The following IAPP variants were observed in gnomAD, a reference collection of about 807,000 sequenced individuals.
IAPP encodes the protein Islet amyloid polypeptide (diabetes-associated peptide; amylin).
A neutral mutation model predicts 2.9 loss-of-function variants in IAPP; 4 were observed. The observed-to-expected ratio is 1.39, with a 90% CI of 0.69 to 3.19. The LOEUF is 3.19. IAPP is among the 30% of genes most tolerant of loss of function. The probability of loss-of-function intolerance (pLI) is 0.01; values close to 1 mark genes in which losing one functional copy is unlikely to be tolerated. For synonymous variants in IAPP, 40 were observed against 42.1 expected, an observed-to-expected ratio of 0.95 and a Z score of 0.19; for missense variants, 114 against 105.3, an observed-to-expected ratio of 1.08 and a Z score of -0.36.
intron 1 of IAPP, among the ~76,000 whole-genome samples, chr12:21,367,102 A>G (rs984282067): frequency 6.6e-6 from 1 of 152,174 alleles, no homozygotes; most frequent in African/African-American, 2.4e-5. Flanking sequence ...GGACTTCTAC[A>G]GAGAGGTTTT....
At chr12:21,371,703 T>C (rs907705775), upstream of IAPP, among the ~76,000 whole-genome samples, 2 of 152,096 alleles carry the variant, frequency 1.3e-5, no homozygotes, top group Non-Finnish European at 2.9e-5. Flanking sequence ...AAATATAATT[T>C]AGAAATACAA....
chr12:21,362,657 C>T (rs1297872858), intron 1 of IAPP, among the ~76,000 whole-genome samples: 2 of 152,122 alleles, frequency 1.3e-5, no homozygotes, highest in African/African-American at 2.4e-5. Flanking sequence ...GGAGACCCAT[C>T]TCACACGCAG....
upstream of IAPP, among the ~76,000 whole-genome samples, chr12:21,372,289 C>A (rs1939857737): frequency 6.6e-6 from 1 of 152,056 alleles, no homozygotes; most frequent in Admixed American, 6.6e-5. Context: ...TTTTTTTATT[C>A]ATTTGGTTAT....
intron 2 of IAPP, among the ~76,000 whole-genome samples, chr12:21,377,538 C>T (rs1353280106): frequency 6.6e-6 from 1 of 152,176 alleles, no homozygotes; most frequent in African/African-American, 2.4e-5. Flanking sequence ...TGAAGCTGTA[C>T]ACCCAATGGT....
chr12:21,369,118 A>C (rs1239364419), upstream of IAPP, among the ~76,000 whole-genome samples: 3 of 152,190 alleles, frequency 2.0e-5, no homozygotes, highest in Admixed American at 6.5e-5. Context: ...AATTTGATAA[A>C]ATGTAAAAAT....
At chr12:21,362,719 T>C (rs1401746015) in intron 1 of IAPP, among the ~76,000 whole-genome samples, 1 of 151,520 alleles carries the variant, frequency 6.6e-6, no homozygotes, top group African/African-American at 2.4e-5. Flanking sequence ...ACCAAGCAAA[T>C]GGAAAACAAA....
intron 1 of IAPP, among the ~76,000 whole-genome samples, chr12:21,365,521 G>A (rs1939305108): frequency 1.3e-5 from 2 of 152,038 alleles, no homozygotes; most frequent in African/African-American, 2.4e-5. Context: ...CAAAAGCAAT[G>A]GCAACAAAAG....
chr12:21,367,242 G>C (rs1418056249), intron 1 of IAPP, among the ~76,000 whole-genome samples: 1 of 152,108 alleles, frequency 6.6e-6, no homozygotes, highest in African/African-American at 2.4e-5. Flanking sequence ...AGAAACAAAA[G>C]GTCTCAGTCT....
intron 1 of IAPP, among the ~76,000 whole-genome samples, chr12:21,357,125 C>T (rs147712903): frequency 6.6e-6 from 1 of 152,230 alleles, no homozygotes; most frequent in East Asian, 1.9e-4. Flanking sequence ...TGAACTGTGT[C>T]CCTGCAAAAT....
chr12:21,365,542 C>A (rs1939306852), intron 1 of IAPP, among the ~76,000 whole-genome samples: 1 of 152,122 alleles, frequency 6.6e-6, no homozygotes, highest in South Asian at 2.1e-4. Flanking sequence ...CCAAAATTGA[C>A]AAATGGGAAC....
At chr12:21,371,863 A>G (rs373108166), upstream of IAPP, among the ~76,000 whole-genome samples, 5 of 152,108 alleles carry the variant, frequency 3.3e-5, no homozygotes, top group Non-Finnish European at 5.9e-5. Context: ...TTAGCCATAC[A>G]TGGTGATGCA....
At chr12:21,372,194 T>C (rs1340929320), upstream of IAPP, among the ~76,000 whole-genome samples, 1 of 152,210 alleles carries the variant, frequency 6.6e-6, no homozygotes, top group Non-Finnish European at 1.5e-5. Flanking sequence ...GTAAAATTTC[T>C]GTGTAAGAAT....
intron 1 of IAPP, among the ~76,000 whole-genome samples, chr12:21,357,078 A>G (rs1437098362): frequency 2.0e-5 from 3 of 152,228 alleles, no homozygotes; most frequent in Non-Finnish European, 4.4e-5. Context: ...ATAAAAACAA[A>G]CAAACACTAT....
chr12:21,366,420 A>G (rs1184134581), intron 1 of IAPP, among the ~76,000 whole-genome samples: 1 of 151,998 alleles, frequency 6.6e-6, no homozygotes, highest in African/African-American at 2.4e-5. Context: ...GGGGAGGGAT[A>G]GCATTAGGAG....
intron 1 of IAPP, among the ~76,000 whole-genome samples, chr12:21,367,537 T>C (rs939864132): frequency 2.0e-5 from 3 of 152,226 alleles, no homozygotes; most frequent in East Asian, 3.9e-4. Context: ...AGTGGTCATA[T>C]CATATTTTAT....
Position 21,378,510 on chromosome 12 carries a change from G to A in IAPP, c.*84G>A. On this transcript the variant is annotated 3_prime_UTR_variant, in exon 3 of 3. Coordinates refer to ENST00000240652, the MANE Select transcript of IAPP (RefSeq NM_000415.3). Reference sequence around the variant, plus strand: ...ACAGTGCCCTTTTCATCTCCAGTGTGAATATATGGTCTGTGTGTCTGATGT... The same window carrying A: ...ACAGTGCCCTTTTCATCTCCAGTGTAAATATATGGTCTGTGTGTCTGATGT... 1 of 1,115,364 alleles carries A rather than the reference G, an allele frequency of 9.0e-7. No homozygotes were observed. The highest frequency in any genetic ancestry group is 1.4e-6 in the Non-Finnish European group (1 of 732,066). 69.1% of individuals were successfully genotyped at this position (1,115,364 alleles called of 1,614,324 possible).
chr12:21,361,226 C>A (rs888204118), intron 1 of IAPP, among the ~76,000 whole-genome samples: 1 of 152,154 alleles, frequency 6.6e-6, no homozygotes, highest in Admixed American at 6.5e-5. Flanking sequence ...TGCTGTTCTG[C>A]AATATTAGCT....
At chr12:21,377,968 T>C (rs1010989074) in intron 2 of IAPP, among the ~76,000 whole-genome samples, 1 of 152,196 alleles carries the variant, frequency 6.6e-6, no homozygotes, top group Non-Finnish European at 1.5e-5. Context: ...TTTGATTATA[T>C]GTAATATATT....
At chr12:21,362,196 G>T (rs12830157) in intron 1 of IAPP, among the ~76,000 whole-genome samples, 2 of 151,670 alleles carry the variant, frequency 1.3e-5, no homozygotes, top group African/African-American at 4.8e-5. Flanking sequence ...CAGTGAGCGG[G>T]TCTCTCGGCA....
Sources: allele counts gnomAD v4.1 joint callset (sites outside exome capture counted in the v4.1 genomes callset), GRCh38; gene constraint gnomAD v4.1.1; transcripts MANE v1.5; gene names NCBI Gene and HGNC (gene_info 2026-07-23, HGNC 2026-07-21).